The following USP4 variants were observed in gnomAD, a reference collection of about 807,000 sequenced individuals.
USP4 encodes the protein ubiquitin carboxyl-terminal hydrolase 4.
USP4 carries 72 observed loss-of-function variants against 118.2 expected under a neutral mutation model. The observed-to-expected ratio is 0.61, with a 90% CI of 0.50 to 0.74. The LOEUF is 0.74. USP4 is among the 30% of genes least tolerant of loss of function. USP4 has a pLI of 0.00. For synonymous variants in USP4, 415 were observed against 440.4 expected, an observed-to-expected ratio of 0.94 and a Z score of 0.72; for missense variants, 1,037 against 1,185.7, an observed-to-expected ratio of 0.87 and a Z score of 1.84.
At position 49,300,799 on chromosome 3, in the gene USP4, C is replaced by T. The variant is rs542766012; in HGVS notation, c.1288-108G>A. 64 of 956,088 alleles carry T rather than the reference C, an allele frequency of 6.7e-5. No homozygotes were observed. In the African/African-American group the frequency reaches 9.9e-4, roughly 15 times the overall value. The allele number at this position is 956,088 out of a possible 1,614,324, so 59.2% of individuals were successfully genotyped here. On this transcript the variant is annotated intron_variant, in intron 10 of 21. Coordinates refer to ENST00000265560, the MANE Select transcript of USP4 (RefSeq NM_003363.4). ...GAGATGAATCAGGTGGCAATCTGTA[C>T]AGCCAAGAGCTTGATCCAGGACAAA...
Position 49,334,701 on chromosome 3 carries a change from G to A in USP4, c.229+768C>T, listed in dbSNP as rs149939472. 2.7e-3 allele frequency among the ~76,000 whole-genome samples: 418 copies of A among 152,268 alleles called. 3 individuals carry two copies. Among genetic ancestry groups the A allele is most frequent in the African/African-American group, 9.3e-3 (388 of 41,584 alleles). ...CAAGGCCAGCCTAGCCAACATGGTA[G>A]AGACGGGGTTTCACCATGTTGGCCA... is the stretch of plus-strand genomic sequence containing the variant. On this transcript the variant is annotated intron_variant, in intron 2 of 21. Transcript: ENST00000265560.
chr3:49,287,100 C>T (rs1575601565), intron 15 of USP4, among the ~76,000 whole-genome samples: 1 of 152,128 alleles, frequency 6.6e-6, no homozygotes, highest in East Asian at 1.9e-4. Context: ...GATCCACCGG[C>T]CTTGGCCTCC....
At chr3:49,314,413 T>C (rs2047414844) in intron 6 of USP4, among the ~76,000 whole-genome samples, 1 of 152,142 alleles carries the variant, frequency 6.6e-6, no homozygotes, top group African/African-American at 2.4e-5. Context: ...GTCCAAGAAC[T>C]CAAGCAGCTG....
chr3:49,306,715 G>T (rs2047323277), intron 8 of USP4, among the ~76,000 whole-genome samples: 1 of 152,126 alleles, frequency 6.6e-6, no homozygotes, highest in Non-Finnish European at 1.5e-5. Context: ...ACTTGCCCAT[G>T]AGAAGCCAAA....
intron 6 of USP4, among the ~76,000 whole-genome samples, chr3:49,324,251 G>A (rs978734887): frequency 2.6e-5 from 4 of 152,040 alleles, no homozygotes; most frequent in South Asian, 2.1e-4. Flanking sequence ...CACCTCCCAC[G>A]GCCTCTCAAA....
intron 2 of USP4, among the ~76,000 whole-genome samples, chr3:49,334,842 C>T (rs1211318631): frequency 1.3e-5 from 2 of 152,190 alleles, no homozygotes; most frequent in Non-Finnish European, 2.9e-5. Context: ...ACACCCATGA[C>T]AGATCACCTC....
rs780101038 is a variant in USP4 at position 49,291,279 on chromosome 3, T to TA, written c.1972+1230dup. ...GCACCCAGCCTCAAGACCCTACTCT[T>TA]AAAAAAAAAAAAAAAAGCTGGGCAC... On this transcript the variant is annotated intron_variant, in intron 15 of 21. Coordinates refer to ENST00000265560, the MANE Select transcript of USP4 (RefSeq NM_003363.4). Among the ~76,000 whole-genome samples, 1,084 of 110,068 alleles carry TA rather than the reference T, an allele frequency of 9.8e-3. 28 individuals carry two copies. Among genetic ancestry groups the TA allele is most frequent in the Admixed American group, 0.066 (712 of 10,816 alleles). The allele number at this position is 110,068 out of a possible 152,430, so 72.2% of individuals were successfully genotyped here.
chr3:49,295,714 G>GCGCACACACACACACA (rs149459963), intron 13 of USP4, among the ~76,000 whole-genome samples: 3 of 148,318 alleles, frequency 2.0e-5, no homozygotes, highest in African/African-American at 7.8e-5. Flanking sequence ...GCGCGCGCGC[G>GCGCACACACACACACA]CACACACACA....
At chr3:49,328,928 C>T (rs983952854) in intron 2 of USP4, among the ~76,000 whole-genome samples, 9 of 151,034 alleles carry the variant, frequency 6.0e-5, no homozygotes, top group African/African-American at 2.2e-4. Flanking sequence ...ACCTGTAATC[C>T]CAGCACTTTC....
At chr3:49,338,401 TG>T (rs2047694014) in intron 1 of USP4, among the ~76,000 whole-genome samples, 1 of 152,070 alleles carries the variant, frequency 6.6e-6, no homozygotes, top group African/African-American at 2.4e-5. Context: ...AGCTTCCGCC[TG>T]TAATCCCAGC....
At chr3:49,313,139 C>CCTTG (rs2047403951) in intron 6 of USP4, among the ~76,000 whole-genome samples, 1 of 152,026 alleles carries the variant, frequency 6.6e-6, no homozygotes, top group Non-Finnish European at 1.5e-5. Context: ...GATCTGCCTG[C>CCTTG]CTTGGCCTCC....
intron 13 of USP4, among the ~76,000 whole-genome samples, chr3:49,297,457 T>C (rs902286729): frequency 2.6e-5 from 4 of 152,162 alleles, no homozygotes; most frequent in Non-Finnish European, 4.4e-5. Flanking sequence ...AGTATCATGG[T>C]ACTCGCTGAG....
chr3:49,310,295 G>GT (rs781776672), intron 8 of USP4, among the ~76,000 whole-genome samples: 13 of 152,182 alleles, frequency 8.5e-5, no homozygotes, highest in Non-Finnish European at 2.9e-5. Flanking sequence ...ATCACCTGCT[G>GT]TAAGTTTTCC....
chr3:49,319,794 T>G (rs2047480663), intron 6 of USP4, among the ~76,000 whole-genome samples: 1 of 151,964 alleles, frequency 6.6e-6, no homozygotes. Context: ...TCTGTACTTT[T>G]AGTAGATAGG....
intron 2 of USP4, among the ~76,000 whole-genome samples, chr3:49,332,909 G>A (rs575588747): frequency 6.6e-5 from 10 of 151,680 alleles, no homozygotes; most frequent in South Asian, 2.1e-4. Flanking sequence ...GGTGGGGCCT[G>A]TAGTTCCAGT....
chr3:49,281,544 A>C (rs1180729405), intron 19 of USP4, among the ~76,000 whole-genome samples: 1 of 150,532 alleles, frequency 6.6e-6, no homozygotes, highest in Non-Finnish European at 1.5e-5. Context: ...ATATACATTT[A>C]TATATACACA....
chr3:49,308,463 G>A (rs2047344338), intron 8 of USP4, among the ~76,000 whole-genome samples: 1 of 152,016 alleles, frequency 6.6e-6, no homozygotes, highest in South Asian at 2.1e-4. Flanking sequence ...GGGATTACAG[G>A]CGCCCGCCAC....
At position 49,298,547 on chromosome 3, in the gene USP4, C is replaced by G. The variant is rs2047232245; in HGVS notation, c.1596+5G>C. 1.9e-6 allele frequency: 3 copies of G among 1,614,096 alleles called. No individual in the cohort carries two copies. The highest frequency in any genetic ancestry group is 2.5e-6 in the Non-Finnish European group (3 of 1,179,948). The stretch of plus-strand genomic sequence containing the variant: ...GACCGAGTGCCACTGATCACCCCGC[C>G]TTACATTTTCTGCAGCAATGCCAGA... On this transcript the variant is annotated splice_donor_5th_base_variant and intron_variant, in intron 12 of 21. Transcript: ENST00000265560.
intron 8 of USP4, among the ~76,000 whole-genome samples, chr3:49,307,474 GA>G (rs1485951130): frequency 6.6e-6 from 1 of 151,560 alleles, no homozygotes; most frequent in Admixed American, 6.6e-5. Context: ...AATTTTTAGA[GA>G]TAGGGTCTTG....
Sources: gnomAD v4.1 joint callset for allele counts (sites outside exome capture counted in the v4.1 genomes callset) on GRCh38, gnomAD v4.1.1 for gene constraint, MANE v1.5 for transcripts, NCBI Gene and HGNC (gene_info 2026-07-23, HGNC 2026-07-21) for gene names.